The following DCP1A variants were observed in gnomAD, a reference collection of about 807,000 sequenced individuals.
The protein encoded by DCP1A is decapping mRNA 1A.
In DCP1A, 20 loss-of-function variants were observed where a neutral mutation model predicts 58.0. The ratio of observed to expected loss-of-function variants is 0.34; its 90% CI spans 0.24 to 0.50. DCP1A has a LOEUF of 0.50. Ranked by LOEUF, DCP1A falls within the 20% of genes least tolerant of loss-of-function variation. The probability of loss-of-function intolerance (pLI) is 0.98; values close to 1 mark genes in which losing one functional copy is unlikely to be tolerated. For missense variants in DCP1A, 613 were observed against 712.2 expected (o/e 0.86, Z 1.59); for synonymous variants, 285 against 275.1 (o/e 1.04, Z -0.36).
At chr3:53,288,720 T>C (rs892818975) in intron 8 of DCP1A, among the ~76,000 whole-genome samples, 2 of 152,290 alleles carry the variant, frequency 1.3e-5, no homozygotes, top group Admixed American at 6.5e-5. Context: ...ATTACATACA[T>C]GTGTCAAAAA....
chr3:53,320,524 A>T (rs1017139800), intron 3 of DCP1A, among the ~76,000 whole-genome samples: 1 of 152,180 alleles, frequency 6.6e-6, no homozygotes, highest in Non-Finnish European at 1.5e-5. Context: ...CTAGCACAGA[A>T]ATGGCAGGTA....
intron 2 of DCP1A, among the ~76,000 whole-genome samples, chr3:53,342,589 C>T (rs1559709371): frequency 6.6e-6 from 1 of 152,176 alleles, no homozygotes; most frequent in Non-Finnish European, 1.5e-5. Flanking sequence ...CACCGGGCTC[C>T]TTGCCACTCT....
In DCP1A at chr3:53,347,474, G is replaced by A. The variant is rs2089307536; in HGVS notation, c.44C>T (p.Ala15Val). The A allele has an allele frequency of 6.2e-7, 1 of 1,613,544 alleles. No homozygotes were observed. Among genetic ancestry groups the A allele is most frequent in the Admixed American group, 1.7e-5 (1 of 60,004 alleles). The change falls in exon 1 of 10, where the codon GCC becomes GTC. Residue 15 changes from alanine to valine, a missense_variant. This residue lies in a region of DCP1A where 50 missense variants were observed against 37.0 expected (regional missense o/e 1.35). Transcript: ENST00000610213. ...SRAGQEMSLA[A>V]LKQHDPYITS... ...GATATAGGGGTCGTGTTGCTTCAGG[G>A]CCGCTAGGCTCATCTCCTGCCCAGC...
chr3:53,343,670 G>A (rs191259886), intron 2 of DCP1A, among the ~76,000 whole-genome samples: 1 of 152,322 alleles, frequency 6.6e-6, no homozygotes, highest in East Asian at 1.9e-4. Context: ...GGAGTGCAGT[G>A]GCACGACCTC....
chr3:53,340,399 G>A (rs2089185817), intron 3 of DCP1A, among the ~76,000 whole-genome samples: 1 of 152,158 alleles, frequency 6.6e-6, no homozygotes, highest in Non-Finnish European at 1.5e-5. Flanking sequence ...ATAGTTTACT[G>A]AGAAGTCAAA....
At chr3:53,315,666 A>G in intron 4 of DCP1A, among the ~76,000 whole-genome samples, 1 of 151,290 alleles carries the variant, frequency 6.6e-6, no homozygotes. Flanking sequence ...TTTAGATGAC[A>G]TAGGGTCTAG....
chr3:53,323,307 A>G (rs981303665), intron 3 of DCP1A, among the ~76,000 whole-genome samples: 7 of 152,252 alleles, frequency 4.6e-5, no homozygotes, highest in Admixed American at 6.5e-5. Flanking sequence ...GCCTTGTTAC[A>G]GAGATAATTA....
At chr3:53,316,594 C>T (rs1161199197) in intron 4 of DCP1A, among the ~76,000 whole-genome samples, 1 of 110,928 alleles carries the variant, frequency 9.0e-6, no homozygotes, top group Non-Finnish European at 1.8e-5. Context: ...TTTTCTTCTT[C>T]CCTTTTTTTT....
rs530414051 is a variant in DCP1A, at chr3:53,306,539, A to G, written c.511-2249T>C. 3.3e-5 allele frequency among the ~76,000 whole-genome samples: 5 copies of G among 152,126 alleles called. No individual in the cohort carries two copies. In the South Asian group the frequency reaches 1.0e-3, roughly 32 times the overall value. On this transcript the variant is annotated intron_variant, in intron 5 of 9. Coordinates refer to ENST00000610213, the MANE Select transcript of DCP1A (RefSeq NM_018403.7). ...CAAGACCAGCCTGGGCAACATAGTGAGACCCCATCTCTACAAAAAATAAAA... is the reference window on the plus strand; with the variant it reads ...CAAGACCAGCCTGGGCAACATAGTGGGACCCCATCTCTACAAAAAATAAAA...
chr3:53,307,896 C>A (rs1241655894), intron 5 of DCP1A, among the ~76,000 whole-genome samples: 1 of 152,028 alleles, frequency 6.6e-6, no homozygotes, highest in African/African-American at 2.4e-5. Flanking sequence ...ATATAATGCA[C>A]ATAAGGAAAA....
intron 4 of DCP1A, among the ~76,000 whole-genome samples, chr3:53,318,172 G>A (rs1174271181): frequency 1.3e-5 from 2 of 152,102 alleles, no homozygotes; most frequent in Admixed American, 1.3e-4. Flanking sequence ...GATAGTGGTG[G>A]TGCATGCCTG....
intron 3 of DCP1A, among the ~76,000 whole-genome samples, chr3:53,330,471 G>T (rs544975680): frequency 1.5e-3 from 222 of 151,962 alleles, no homozygotes; most frequent in African/African-American, 5.1e-3. Context: ...GGCTGAGGAT[G>T]GAGGATCATT....
At chr3:53,304,351 A>C (rs1707404270) in intron 5 of DCP1A, 61 bp from the exon 6 acceptor site, 1 of 1,167,670 alleles carries the variant, frequency 8.6e-7, no homozygotes, top group Non-Finnish European at 1.3e-6. Context: ...TATTTGGCTC[A>C]CAAAACAGCA....
intron 4 of DCP1A, among the ~76,000 whole-genome samples, chr3:53,313,870 T>TA (rs1215690959): frequency 1.1e-4 from 17 of 150,712 alleles, no homozygotes; most frequent in East Asian, 7.8e-4. Context: ...TAAACCGACT[T>TA]AAAAAAAAAG....
intron 3 of DCP1A, among the ~76,000 whole-genome samples, chr3:53,330,949 C>G (rs1247469628): frequency 6.6e-6 from 1 of 150,948 alleles, no homozygotes; most frequent in Non-Finnish European, 1.5e-5. Context: ...ACCTCTGCCT[C>G]CCAGGTTCAA....
intron 1 of DCP1A, 35 bp downstream of exon 1, chr3:53,347,348 C>T (rs2089304972): frequency 2.6e-6 from 4 of 1,521,322 alleles, no homozygotes; most frequent in East Asian, 4.9e-5. Flanking sequence ...ACGGCAGCGG[C>T]CGGGTGGCCG....
intron 5 of DCP1A, among the ~76,000 whole-genome samples, chr3:53,306,000 A>G (rs1178156786): frequency 1.3e-5 from 2 of 152,224 alleles, no homozygotes; most frequent in East Asian, 3.8e-4. Context: ...GATGAACATC[A>G]TCCATGCCAA....
At chr3:53,344,281 T>C (rs781891705) in intron 2 of DCP1A, among the ~76,000 whole-genome samples, 3 of 152,188 alleles carry the variant, frequency 2.0e-5, no homozygotes, top group Non-Finnish European at 4.4e-5. Context: ...ATGACTATCA[T>C]ATACTGTCAG....
chr3:53,331,296 A>G (rs140679150), intron 3 of DCP1A, among the ~76,000 whole-genome samples: 138 of 152,364 alleles, frequency 9.1e-4, no homozygotes, highest in African/African-American at 3.0e-3. Context: ...GTCTAGCTGT[A>G]AGAAAGAGAA....
Sources: allele counts gnomAD v4.1 joint callset (sites outside exome capture counted in the v4.1 genomes callset), GRCh38; gene constraint gnomAD v4.1.1; regional missense constraint gnomAD v4.1.1; transcripts MANE v1.5; gene names NCBI Gene and HGNC (gene_info 2026-07-23, HGNC 2026-07-21).